The following WDPCP variants were observed in gnomAD, a reference collection of about 807,000 sequenced individuals.
The protein encoded by WDPCP is WD repeat-containing and planar cell polarity effector protein fritz homolog.
A neutral mutation model predicts 93.1 loss-of-function variants in WDPCP; 71 were observed. The ratio of observed to expected loss-of-function variants is 0.76; its 90% confidence interval spans 0.63 to 0.93. The LOEUF (loss-of-function observed/expected upper bound fraction) is 0.93. Among genes scored for constraint, WDPCP ranks in the 40% least tolerant of loss-of-function variants. WDPCP has a pLI of 0.00. For missense variants in WDPCP, 844 were observed against 887.4 expected (o/e 0.95, Z 0.62); for synonymous variants, 315 against 315.0 (o/e 1.00, Z 0.00).
chr2:63,560,128 C>G (rs530421309), intron 1 of WDPCP, among the ~76,000 whole-genome samples: 5 of 152,158 alleles, frequency 3.3e-5, no homozygotes, highest in Middle Eastern at 3.4e-3. Context: ...GAAGCTCAGG[C>G]AGGAGAACCG....
At position 63,152,952 on chromosome 2, in the gene WDPCP, T is replaced by A; in HGVS notation, c.2159-7A>T. ...TCTTCTCTCAGTTCTCCGTCTAAAGTAAAAGATTAAAACATTAATTATCTT... is the reference window on the plus strand; with the variant it reads ...TCTTCTCTCAGTTCTCCGTCTAAAGAAAAAGATTAAAACATTAATTATCTT... On this transcript the variant is annotated splice_region_variant and splice_polypyrimidine_tract_variant and intron_variant, in intron 16 of 17. Coordinates refer to ENST00000272321, the MANE Select transcript of WDPCP (RefSeq NM_015910.7). 2 of 1,611,928 alleles carry A rather than the reference T, an allele frequency of 1.2e-6. No homozygotes were observed. Among genetic ancestry groups the A allele is most frequent in the Non-Finnish European group, 1.7e-6 (2 of 1,178,554 alleles).
At chr2:63,144,879 G>C (rs1671369943) in intron 17 of WDPCP, among the ~76,000 whole-genome samples, 1 of 152,064 alleles carries the variant, frequency 6.6e-6, no homozygotes, top group African/African-American at 2.4e-5. Flanking sequence ...TTCTCATTTG[G>C]GTAGGCTCTA....
intron 1 of WDPCP, among the ~76,000 whole-genome samples, chr2:63,505,122 A>G (rs1701788219): frequency 6.6e-6 from 1 of 152,068 alleles, no homozygotes; most frequent in Admixed American, 6.6e-5. Context: ...CAAGCCCTAA[A>G]TAGTCACAAT....
chr2:63,361,511 T>C (rs1022356060), intron 12 of WDPCP, among the ~76,000 whole-genome samples: 1 of 152,148 alleles, frequency 6.6e-6, no homozygotes, highest in Non-Finnish European at 1.5e-5. Flanking sequence ...TTGCAAAATC[T>C]AAAGAAAAAT....
intron 14 of WDPCP, chr2:63,233,514 C>G (rs545643048): frequency 2.8e-5 from 5 of 176,304 alleles, no homozygotes; most frequent in African/African-American, 1.2e-4. Context: ...ATCGGTAAAA[C>G]TTCTTCTAGA....
At chr2:63,429,976 TAC>T (rs199517613) in intron 9 of WDPCP, among the ~76,000 whole-genome samples, 18,515 of 137,136 alleles carry the variant, frequency 0.14, 1,202 homozygotes, top group Middle Eastern at 0.2. Flanking sequence ...GAAAATGTTA[TAC>T]ACACACACAC....
intron 17 of WDPCP, among the ~76,000 whole-genome samples, chr2:63,139,271 C>T (rs992842704): frequency 6.6e-6 from 1 of 152,096 alleles, no homozygotes; most frequent in African/African-American, 2.4e-5. Context: ...GTGAATTGCT[C>T]CACTATAAAA....
At chr2:63,212,432 C>G (rs1676902390) in intron 14 of WDPCP, among the ~76,000 whole-genome samples, 1 of 152,118 alleles carries the variant, frequency 6.6e-6, no homozygotes, top group Non-Finnish European at 1.5e-5. Context: ...GATTTTGTCA[C>G]CACCAGGCCT....
chr2:63,349,306 A>G (rs1689413384), intron 12 of WDPCP, among the ~76,000 whole-genome samples: 1 of 152,084 alleles, frequency 6.6e-6, no homozygotes, highest in Non-Finnish European at 1.5e-5. Context: ...AATAATTCAG[A>G]TCTTAGTTTA....
rs1670252672 is a variant in WDPCP at position 63,773,118 on chromosome 2, T to C, written n.308+40504A>G. 2.6e-5 allele frequency among the ~76,000 whole-genome samples: 4 copies of C among 152,098 alleles called. No individual in the cohort carries two copies. The South Asian group carries it at 8.3e-4, about 32-fold the overall frequency. On this transcript the variant is annotated intron_variant and non_coding_transcript_variant, in intron 2 of 4. Coordinates refer to the WDPCP transcript ENST00000467687. ...TCCTATATATATATCCAATAAAATATGTACATATGTATGCCAAAAGACATT... is the reference window on the plus strand; with the variant it reads ...TCCTATATATATATCCAATAAAATACGTACATATGTATGCCAAAAGACATT...
At chr2:63,346,205 A>G (rs544253494) in intron 12 of WDPCP, among the ~76,000 whole-genome samples, 1 of 152,218 alleles carries the variant, frequency 6.6e-6, no homozygotes, top group African/African-American at 2.4e-5. Context: ...CCAATACTCA[A>G]TGAAGTGAAA....
chr2:63,808,655 C>G (rs1047300988), intron 2 of WDPCP, among the ~76,000 whole-genome samples: 1 of 152,198 alleles, frequency 6.6e-6, no homozygotes. Context: ...TCAATGGTGC[C>G]CAGGCTGGAG....
At chr2:63,147,048 A>C (rs1001651346) in intron 17 of WDPCP, among the ~76,000 whole-genome samples, 1 of 152,214 alleles carries the variant, frequency 6.6e-6, no homozygotes, top group African/African-American at 2.4e-5. Flanking sequence ...ATAGTGCTCA[A>C]AGTGATATAA....
intron 15 of WDPCP, among the ~76,000 whole-genome samples, chr2:63,154,388 G>A (rs576231272): frequency 2.0e-5 from 3 of 152,180 alleles, no homozygotes; most frequent in African/African-American, 7.2e-5. Flanking sequence ...AATGTTGTAT[G>A]ATTGGAATTA....
intron 12 of WDPCP, among the ~76,000 whole-genome samples, chr2:63,365,551 T>C (rs974499180): frequency 6.6e-6 from 1 of 152,160 alleles, no homozygotes; most frequent in Admixed American, 6.5e-5. Flanking sequence ...AAAACCATAA[T>C]CTTTGATCTC....
chr2:63,370,128 T>A (rs1691261057), intron 12 of WDPCP, among the ~76,000 whole-genome samples: 1 of 152,168 alleles, frequency 6.6e-6, no homozygotes, highest in African/African-American at 2.4e-5. Context: ...ATTTACTGAT[T>A]AGTATAACAA....
At chr2:63,796,903 C>T (rs1670625711) in intron 2 of WDPCP, among the ~76,000 whole-genome samples, 1 of 152,170 alleles carries the variant, frequency 6.6e-6, no homozygotes, top group Admixed American at 6.5e-5. Context: ...CTCTCCCAAC[C>T]CCAGGAAGCG....
intron 2 of WDPCP, among the ~76,000 whole-genome samples, chr2:63,718,758 A>C (rs1423134539): frequency 6.6e-6 from 1 of 152,192 alleles, no homozygotes; most frequent in East Asian, 1.9e-4. Flanking sequence ...AACTTTCTAA[A>C]AGATGCTTCA....
At chr2:63,483,090 G>A (rs1047755668) in intron 6 of WDPCP, among the ~76,000 whole-genome samples, 1 of 151,874 alleles carries the variant, frequency 6.6e-6, no homozygotes, top group African/African-American at 2.4e-5. Flanking sequence ...AAAAAGGATT[G>A]TCTTTTGGGA....
Sources: gnomAD v4.1 joint callset for allele counts (sites outside exome capture counted in the v4.1 genomes callset) on GRCh38, gnomAD v4.1.1 for gene constraint, MANE v1.5 for transcripts, NCBI Gene and HGNC (gene_info 2026-07-23, HGNC 2026-07-21) for gene names.